RAD9B: variants seen among roughly 807,000 people sequenced by gnomAD.
RAD9B encodes RAD9 checkpoint clamp component B, also known as cell cycle checkpoint control protein RAD9B.
RAD9B carries 41 observed loss-of-function variants against 48.3 expected under a neutral mutation model. The ratio of observed to expected loss-of-function variants is 0.85; its 90% CI spans 0.66 to 1.10. RAD9B has a LOEUF of 1.10. RAD9B is among the 50% of genes least tolerant of loss of function. RAD9B has a pLI of 0.00. For synonymous variants in RAD9B, 160 were observed against 157.9 expected, an observed-to-expected ratio of 1.01 and a Z score of -0.10; for missense variants, 444 against 485.1, an observed-to-expected ratio of 0.92 and a Z score of 0.80.
In RAD9B at chr12:110,533,031, T is replaced by C. The variant is rs1014795667; in HGVS notation, c.*2378T>C. On this transcript the variant is annotated 3_prime_UTR_variant, in exon 11 of 11. Transcript: ENST00000409300. ...AAGCCTCAGCTGGGAAAAAGTTCTA[T>C]AATTTACATTTAATTGTCCGTCCAT... 2.0e-5 allele frequency among the ~76,000 whole-genome samples: 3 copies of C among 152,232 alleles called. No individual in the cohort carries two copies. Among genetic ancestry groups the C allele is most frequent in the African/African-American group, 7.2e-5 (3 of 41,464 alleles).
chr12:110,515,496 A>G (rs2063579205), intron 6 of RAD9B, among the ~76,000 whole-genome samples: 1 of 152,124 alleles, frequency 6.6e-6, no homozygotes, highest in Non-Finnish European at 1.5e-5. Context: ...ACCCATCTCT[A>G]CTAAAAATAA....
At chr12:110,522,090 CATT>C (rs2063803483) in intron 9 of RAD9B, 84 bp from the exon 10 acceptor site, 2 of 855,576 alleles carry the variant, frequency 2.3e-6, no homozygotes, top group Non-Finnish European at 3.7e-6. Flanking sequence ...CCAGTGCTAT[CATT>C]GTCATCCCAC....
chr12:110,514,085 T>C (rs1383587982), intron 5 of RAD9B, among the ~76,000 whole-genome samples: 3 of 151,922 alleles, frequency 2.0e-5, no homozygotes, highest in Non-Finnish European at 1.5e-5. Context: ...CCCTTCCTTT[T>C]TGAATTGCCC....
intron 9 of RAD9B, among the ~76,000 whole-genome samples, chr12:110,520,158 GTGT>G (rs1225044415): frequency 6.6e-6 from 1 of 152,164 alleles, no homozygotes; most frequent in Non-Finnish European, 1.5e-5. Flanking sequence ...TGGTTTATCT[GTGT>G]TGTTTCCCAG....
chr12:110,517,767 C>G (rs2063649681), intron 6 of RAD9B, among the ~76,000 whole-genome samples: 1 of 151,564 alleles, frequency 6.6e-6, no homozygotes, highest in East Asian at 1.9e-4. Flanking sequence ...CACACACACA[C>G]ACACACACAC....
chr12:110,529,589 GA>G (rs1320305977), intron 10 of RAD9B, among the ~76,000 whole-genome samples: 353 of 142,284 alleles, frequency 2.5e-3, no homozygotes, highest in Middle Eastern at 0.011. Context: ...GGTCTTTACG[GA>G]AAAAAAAAAA....
chr12:110,520,508 G>A (rs1246624876), intron 9 of RAD9B, among the ~76,000 whole-genome samples: 1 of 151,490 alleles, frequency 6.6e-6, no homozygotes, highest in Non-Finnish European at 1.5e-5. Context: ...CACCACATCG[G>A]GCCTTTAGTT....
chr12:110,530,346 A>G (rs1268800055), intron 10 of RAD9B, among the ~76,000 whole-genome samples, 179 bp from the exon 11 acceptor site: 1 of 151,562 alleles, frequency 6.6e-6, no homozygotes, highest in Admixed American at 6.6e-5. Context: ...TGCGCGGCCA[A>G]GGTTTGGTTT....
Position 110,530,739 on chromosome 12 carries a change from A to G in RAD9B, c.*86A>G. The G allele has an allele frequency of 6.3e-7, 1 of 1,578,812 alleles. No individual in the cohort carries two copies. The highest frequency in any genetic ancestry group is 1.2e-5 in the South Asian group (1 of 86,692). On this transcript the variant is annotated 3_prime_UTR_variant, in exon 11 of 11. Transcript: ENST00000409300. ...CGAGTTTGCATGTTTAGTGTCTAAA[A>G]GAGGTTGTCCAGGACTTCCTTTTAA...
intron 2 of RAD9B, among the ~76,000 whole-genome samples, chr12:110,505,201 A>G (rs1270394998): frequency 1.3e-5 from 2 of 152,076 alleles, no homozygotes; most frequent in African/African-American, 4.8e-5. Flanking sequence ...ATATAGGTGT[A>G]TAATAAATTA....
Position 110,531,937 on chromosome 12 carries a change from G to A in RAD9B, c.*1284G>A. 6.4e-6 allele frequency: 2 copies of A among 311,370 alleles called. No individual in the cohort carries two copies. Among genetic ancestry groups the A allele is most frequent in the Non-Finnish European group, 1.2e-5 (2 of 170,320 alleles). The allele number at this position is 311,370 out of a possible 1,614,324, so 19.3% of individuals were successfully genotyped here. On this transcript the variant is annotated 3_prime_UTR_variant, in exon 11 of 11. Coordinates refer to ENST00000409300, the MANE Select transcript of RAD9B (RefSeq NM_001286535.2). ...CAAGCAGTTGTACTTTAGACTTTGT[G>A]AGAAATTCATAAAGGTGGCTGAGTG...
At chr12:110,512,899 A>C (rs766366920) in intron 5 of RAD9B, 21 bp downstream of exon 5, 1 of 1,211,394 alleles carries the variant, frequency 8.3e-7, no homozygotes, top group Non-Finnish European at 1.2e-6. Context: ...CTCTGTTGTC[A>C]GTTTTTTTCA....
rs2064169285 is a variant in RAD9B, at chr12:110,532,635, C to T, written c.*1982C>T. Among the ~76,000 whole-genome samples, 2 of 152,320 alleles carry T rather than the reference C, an allele frequency of 1.3e-5. No homozygotes were observed. The highest frequency in any genetic ancestry group is 2.1e-4 in the South Asian group (1 of 4,820). On this transcript the variant is annotated 3_prime_UTR_variant, in exon 11 of 11. Coordinates refer to ENST00000409300, the MANE Select transcript of RAD9B (RefSeq NM_001286535.2). ...TGCTGCATAACAACGTTTTGGTCAA[C>T]GATGGACTGCACAGACAGTGGTGGT...
At chr12:110,503,254 TAAAAA>T (rs2063149322) in intron 1 of RAD9B, 1 of 150,052 alleles carries the variant, frequency 6.7e-6, no homozygotes, top group African/African-American at 2.5e-5. Context: ...TCAAAAAAAA[TAAAAA>T]ATAAAAAGAA....
At chr12:110,506,761 T>C in intron 4 of RAD9B, 68 bp downstream of exon 4, 1 of 773,568 alleles carries the variant, frequency 1.3e-6, no homozygotes, top group Non-Finnish European at 2.2e-6. Context: ...TTTAGAACAT[T>C]GATATTTCAT....
chr12:110,506,886 C>CTGGA (rs1444409297), intron 4 of RAD9B, among the ~76,000 whole-genome samples, 193 bp downstream of exon 4: 1 of 151,000 alleles, frequency 6.6e-6, no homozygotes, highest in African/African-American at 2.4e-5. Flanking sequence ...GTCGCCAAGG[C>CTGGA]TGGAGTGCAA....
Position 110,530,712 on chromosome 12 carries a change from C to G in RAD9B, c.*59C>G. 2 of 1,605,510 alleles carry G rather than the reference C, an allele frequency of 1.2e-6. No individual in the cohort carries two copies. Among genetic ancestry groups the G allele is most frequent in the Non-Finnish European group, 1.7e-6 (2 of 1,175,808 alleles). ...GTGACTGGCTCATTTGCCCCTCAAG[C>G]ACGAGTTTGCATGTTTAGTGTCTAA... On this transcript the variant is annotated 3_prime_UTR_variant, in exon 11 of 11. Coordinates refer to ENST00000409300, the MANE Select transcript of RAD9B (RefSeq NM_001286535.2).
chr12:110,509,992 CT>C (rs1439701681), intron 4 of RAD9B, among the ~76,000 whole-genome samples: 1 of 152,152 alleles, frequency 6.6e-6, no homozygotes, highest in Non-Finnish European at 1.5e-5. Context: ...AATATGTCAT[CT>C]TTTGAGCTTT....
intron 6 of RAD9B, among the ~76,000 whole-genome samples, chr12:110,516,739 G>A (rs1029017074): frequency 7.2e-5 from 11 of 151,804 alleles, no homozygotes; most frequent in African/African-American, 2.7e-4. Flanking sequence ...CTTGAACCTG[G>A]GAGGCGGTGG....
Sources: allele counts gnomAD v4.1 joint callset (sites outside exome capture counted in the v4.1 genomes callset), GRCh38; gene constraint gnomAD v4.1.1; transcripts MANE v1.5; gene names NCBI Gene and HGNC (gene_info 2026-07-23, HGNC 2026-07-21).